RYR2: variants seen among roughly 807,000 people sequenced by gnomAD.
The protein encoded by RYR2 is cardiac muscle ryanodine receptor-calcium release channel.
Under a neutral mutation model 601.1 loss-of-function variants are expected in RYR2, and 227 were observed. The ratio of observed to expected loss-of-function variants is 0.38; its 90% confidence interval spans 0.34 to 0.42. RYR2 has a LOEUF of 0.42. RYR2 is among the 10% of genes least tolerant of loss of function. The pLI is 1.00. For missense variants in RYR2, 4,646 were observed against 6,156.5 expected, an observed-to-expected ratio of 0.75 and a Z score of 8.21; for synonymous variants, 2,223 against 2,175.1, an observed-to-expected ratio of 1.02 and a Z score of -0.61.
rs768959495 is a variant in RYR2, at chr1:237,614,810, C to G, written c.5682C>G (p.Leu1894=). ...GCAAGCGGCCCAAGGAAGGCCTGCT[C>G]CAAATGAAACTGCCAGAGCCAGTTA... ...KGGKRPKEGL[L]QMKLPEPVKL... The change falls in exon 37 of 105, where the codon CTC becomes CTG. Residue 1894 remains leucine (L), a synonymous_variant. Coordinates refer to ENST00000366574, the MANE Select transcript of RYR2 (RefSeq NM_001035.3). The surrounding 1 kb of genome is among the most constrained non-coding windows in gnomAD (Gnocchi z 4.3). The G allele has an allele frequency of 2.5e-6, 4 of 1,589,900 alleles. No homozygotes were observed. The highest frequency in any genetic ancestry group is 3.4e-6 in the Non-Finnish European group (4 of 1,168,420).
At chr1:237,155,768 C>A (rs1168176098) in intron 1 of RYR2, among the ~76,000 whole-genome samples, 1 of 151,832 alleles carries the variant, frequency 6.6e-6, no homozygotes, top group Non-Finnish European at 1.5e-5. Context: ...TGATTCTTGC[C>A]CCTAAAAAGA....
intron 1 of RYR2, among the ~76,000 whole-genome samples, chr1:237,250,984 C>G (rs914041775): frequency 6.6e-6 from 1 of 151,774 alleles, no homozygotes; most frequent in Non-Finnish European, 1.5e-5. Flanking sequence ...CATTATTGCT[C>G]TGTCCTACCC....
intron 1 of RYR2, among the ~76,000 whole-genome samples, chr1:237,058,300 A>G (rs772384726): frequency 6.6e-6 from 1 of 152,246 alleles, no homozygotes; most frequent in Non-Finnish European, 1.5e-5. Flanking sequence ...CTCTCCTACT[A>G]TGATAGGATC....
intron 3 of RYR2, among the ~76,000 whole-genome samples, chr1:237,333,333 G>C (rs546048003): frequency 6.6e-6 from 1 of 152,340 alleles, no homozygotes; most frequent in South Asian, 2.1e-4. Context: ...CTCTCATACT[G>C]CTGAGTATTT....
intron 56 of RYR2, among the ~76,000 whole-genome samples, chr1:237,665,721 A>T (rs1684267596): frequency 1.3e-5 from 2 of 152,240 alleles, no homozygotes; most frequent in Admixed American, 6.5e-5. Context: ...GCCTGTTATT[A>T]GTTATAGCAT....
chr1:237,537,578 T>C (rs1306206967), intron 25 of RYR2, among the ~76,000 whole-genome samples: 1 of 152,066 alleles, frequency 6.6e-6, no homozygotes, highest in South Asian at 2.1e-4. Flanking sequence ...GCCTCCCAAA[T>C]TGCTGGGATT....
At chr1:237,302,299 A>G (rs1693431861) in intron 2 of RYR2, among the ~76,000 whole-genome samples, 2 of 152,190 alleles carry the variant, frequency 1.3e-5, no homozygotes, top group African/African-American at 4.8e-5. Context: ...CCATCACCTT[A>G]ATGGCTTAAC....
chr1:237,194,300 G>T (rs1680318011), intron 1 of RYR2, among the ~76,000 whole-genome samples: 3 of 152,138 alleles, frequency 2.0e-5, no homozygotes, highest in Admixed American at 2.0e-4. Flanking sequence ...GGCTGTCGCA[G>T]TTCTATCAGG....
At chr1:237,247,296 G>A (rs1306378716) in intron 1 of RYR2, among the ~76,000 whole-genome samples, 4 of 152,098 alleles carry the variant, frequency 2.6e-5, no homozygotes, top group South Asian at 2.1e-4. Flanking sequence ...CTGCCTTTTC[G>A]CTACAGCTAC....
intron 27 of RYR2, among the ~76,000 whole-genome samples, chr1:237,565,183 CTTTCTTTCTT>C: frequency 1.6e-5 from 1 of 64,208 alleles, no homozygotes; most frequent in Non-Finnish European, 3.5e-5. Context: ...TTCTTTCTTT[CTTTCTTTCTT>C]TCTTTCTTTC....
intron 1 of RYR2, among the ~76,000 whole-genome samples, chr1:237,206,536 A>G (rs1034240149): frequency 2.0e-5 from 3 of 152,188 alleles, no homozygotes; most frequent in Non-Finnish European, 4.4e-5. Context: ...ATTTGTGTCA[A>G]ATTACATCCC....
intron 2 of RYR2, among the ~76,000 whole-genome samples, chr1:237,299,137 TTCA>T (rs767412104): frequency 2.8e-5 from 4 of 145,256 alleles, no homozygotes; most frequent in South Asian, 2.2e-4. Context: ...CTTTTTTTTT[TTCA>T]TTTCATTTCA....
At chr1:237,792,470 TTG>T (rs1301116855) in intron 94 of RYR2, 147 bp downstream of exon 94, 1 of 572,038 alleles carries the variant, frequency 1.7e-6, no homozygotes, top group Non-Finnish European at 3.0e-6. Flanking sequence ...GCTGGAAACT[TTG>T]TGCACAAAGT....
chr1:237,221,485 A>G (rs575339571), intron 1 of RYR2, among the ~76,000 whole-genome samples: 1 of 152,346 alleles, frequency 6.6e-6, no homozygotes, highest in East Asian at 1.9e-4. Flanking sequence ...AACTTTATAG[A>G]TATGAAGATT....
chr1:237,735,148 C>T (rs76717608), intron 79 of RYR2, among the ~76,000 whole-genome samples: 2,259 of 152,294 alleles, frequency 0.015, 61 homozygotes, highest in African/African-American at 0.051. Flanking sequence ...GATTGAAAAT[C>T]TCCAGATTTA....
At chr1:237,820,949 A>G (rs1613445) in intron 101 of RYR2, among the ~76,000 whole-genome samples, 39,973 of 152,040 alleles carry the variant, frequency 0.26, 5,712 homozygotes, top group East Asian at 0.61. Context: ...CAGCAAGGCC[A>G]CTGCAGCCAG....
At chr1:237,368,323 A>G (rs1700364046) in intron 5 of RYR2, among the ~76,000 whole-genome samples, 2 of 152,206 alleles carry the variant, frequency 1.3e-5, no homozygotes, top group African/African-American at 4.8e-5. Context: ...TAATAGAAAA[A>G]AACTACTGGA....
At chr1:237,681,842 C>T (rs2148942965) in intron 62 of RYR2, among the ~76,000 whole-genome samples, 1 of 152,280 alleles carries the variant, frequency 6.6e-6, no homozygotes, top group Admixed American at 6.5e-5. Context: ...ACGCAAGTAG[C>T]TAGAATATCT....
chr1:237,288,591 G>A (rs1183634796), intron 2 of RYR2, among the ~76,000 whole-genome samples: 1 of 151,972 alleles, frequency 6.6e-6, no homozygotes, highest in Non-Finnish European at 1.5e-5. Context: ...AGGGAAGTGG[G>A]GGAAAGCCAG....
Sources: allele counts gnomAD v4.1 joint callset (sites outside exome capture counted in the v4.1 genomes callset), GRCh38; gene constraint gnomAD v4.1.1; non-coding constraint Gnocchi (gnomAD v3.1); transcripts MANE v1.5; gene names NCBI Gene and HGNC (gene_info 2026-07-23, HGNC 2026-07-21).